Variants in TACR3 observed in about 807,000 individuals in gnomAD.
TACR3 encodes neuromedin-K receptor.
Under a neutral mutation model 35.0 loss-of-function variants are expected in TACR3, and 34 were observed. The ratio of observed to expected loss-of-function variants is 0.97; its 90% CI spans 0.74 to 1.30. TACR3 has a LOEUF of 1.30. TACR3 is among the 50% of genes most tolerant of loss of function. The probability of loss-of-function intolerance (pLI) is 0.00; values close to 1 mark genes in which losing one functional copy is unlikely to be tolerated. For missense variants in TACR3, 558 were observed against 591.7 expected, an observed-to-expected ratio of 0.94 and a Z score of 0.59; for synonymous variants, 233 against 221.1, an observed-to-expected ratio of 1.05 and a Z score of -0.48.
In TACR3 at chr4:103,598,746, C is replaced by T. The variant is rs1157217027; in HGVS notation, c.889-7063G>A. 3.3e-5 allele frequency among the ~76,000 whole-genome samples: 5 copies of T among 152,202 alleles called. No homozygotes were observed. The East Asian group carries it at 9.7e-4, about 29-fold the overall frequency. Reference sequence around the variant, plus strand: ...CATTTCTTGTTTTTGTCAGGTTTGTCAAAGATCAGATATTTGTAGATATGC... The same window carrying T: ...CATTTCTTGTTTTTGTCAGGTTTGTTAAAGATCAGATATTTGTAGATATGC... On this transcript the variant is annotated intron_variant, in intron 3 of 4. Coordinates refer to ENST00000304883, the MANE Select transcript of TACR3 (RefSeq NM_001059.3).
intron 3 of TACR3, among the ~76,000 whole-genome samples, chr4:103,609,850 T>C (rs1724474481): frequency 6.6e-6 from 1 of 152,148 alleles, no homozygotes; most frequent in African/African-American, 2.4e-5. Context: ...TAAACTTTGT[T>C]AGATTCTACA....
At chr4:103,650,195 T>A (rs1263501419) in intron 3 of TACR3, among the ~76,000 whole-genome samples, 1 of 151,802 alleles carries the variant, frequency 6.6e-6, no homozygotes, top group Non-Finnish European at 1.5e-5. Flanking sequence ...ATATAGTCCC[T>A]TTTCCTGTTC....
intron 3 of TACR3, among the ~76,000 whole-genome samples, chr4:103,594,179 AC>A (rs1490785978): frequency 3.0e-5 from 3 of 100,130 alleles, no homozygotes; most frequent in African/African-American, 9.5e-5. Context: ...TCCAAAAATA[AC>A]CTTTTTTTTT....
chr4:103,638,306 C>T (rs1268168392), intron 3 of TACR3, among the ~76,000 whole-genome samples: 2 of 151,446 alleles, frequency 1.3e-5, no homozygotes, highest in Non-Finnish European at 2.9e-5. Flanking sequence ...ACTATCTGAT[C>T]TTTGACAAAC....
At chr4:103,685,867 A>G (rs1194694827) in intron 1 of TACR3, among the ~76,000 whole-genome samples, 5 of 152,174 alleles carry the variant, frequency 3.3e-5, no homozygotes, top group Non-Finnish European at 7.4e-5. Flanking sequence ...CCAGGTCCAC[A>G]GTGTGAAAGT....
intron 1 of TACR3, among the ~76,000 whole-genome samples, chr4:103,675,091 A>G (rs970292041): frequency 2.0e-5 from 3 of 152,170 alleles, no homozygotes; most frequent in African/African-American, 7.2e-5. Context: ...TGGACATAAG[A>G]GTTATTCTAA....
At chr4:103,658,553 C>A in intron 1 of TACR3, 150 bp from the exon 2 acceptor site, 1 of 688,656 alleles carries the variant, frequency 1.5e-6, no homozygotes, top group Non-Finnish European at 2.5e-6. Context: ...GTAGAGGCAG[C>A]GTAGAATGGT....
At chr4:103,626,718 T>C (rs1003395965) in intron 3 of TACR3, among the ~76,000 whole-genome samples, 1 of 152,174 alleles carries the variant, frequency 6.6e-6, no homozygotes, top group Non-Finnish European at 1.5e-5. Flanking sequence ...TTGTGTTTGT[T>C]GTTGTTTTCA....
At chr4:103,642,609 T>C (rs1012779178) in intron 3 of TACR3, among the ~76,000 whole-genome samples, 1 of 151,538 alleles carries the variant, frequency 6.6e-6, no homozygotes, top group Non-Finnish European at 1.5e-5. Context: ...TATATGAAAA[T>C]TGATCTCACG....
At chr4:103,603,214 C>A (rs1016355774) in intron 3 of TACR3, among the ~76,000 whole-genome samples, 1 of 152,228 alleles carries the variant, frequency 6.6e-6, no homozygotes, top group East Asian at 1.9e-4. Flanking sequence ...GATATAATCT[C>A]CTGGTGTGCC....
At chr4:103,698,172 G>C (rs1263168112) in intron 1 of TACR3, among the ~76,000 whole-genome samples, 1 of 151,770 alleles carries the variant, frequency 6.6e-6, no homozygotes. Context: ...AAAGAAATTT[G>C]AATGTATTTT....
chr4:103,655,740 A>T (rs1725719705), intron 3 of TACR3, among the ~76,000 whole-genome samples: 1 of 152,068 alleles, frequency 6.6e-6, no homozygotes. Flanking sequence ...AAAAGAGACG[A>T]GGGGATACAG....
chr4:103,711,992 A>C (rs1560541964), intron 1 of TACR3, among the ~76,000 whole-genome samples: 2 of 152,222 alleles, frequency 1.3e-5, no homozygotes, highest in Non-Finnish European at 2.9e-5. Context: ...ATGACATAAA[A>C]GAGGACACAA....
intron 1 of TACR3, among the ~76,000 whole-genome samples, chr4:103,666,737 T>C (rs1296409203): frequency 6.6e-6 from 1 of 152,182 alleles, no homozygotes; most frequent in Non-Finnish European, 1.5e-5. Context: ...AATATAAAAC[T>C]TGCTAAATTT....
At chr4:103,688,822 A>G (rs138040112) in intron 1 of TACR3, among the ~76,000 whole-genome samples, 4,118 of 152,264 alleles carry the variant, frequency 0.027, 203 homozygotes, top group African/African-American at 0.095. Flanking sequence ...TATTTCAATC[A>G]TTGTGGAAGG....
chr4:103,612,418 C>T (rs1724532744), intron 3 of TACR3, among the ~76,000 whole-genome samples: 1 of 152,154 alleles, frequency 6.6e-6, no homozygotes, highest in Admixed American at 6.5e-5. Context: ...TGGCTTATTT[C>T]CTTCAGCTTT....
At chr4:103,604,494 A>G (rs1393864092) in intron 3 of TACR3, among the ~76,000 whole-genome samples, 1 of 152,164 alleles carries the variant, frequency 6.6e-6, no homozygotes, top group Non-Finnish European at 1.5e-5. Flanking sequence ...AGACTTCATG[A>G]TTAAAACACC....
chr4:103,705,291 A>G (rs1722760893), intron 1 of TACR3, among the ~76,000 whole-genome samples: 1 of 152,128 alleles, frequency 6.6e-6, no homozygotes, highest in Non-Finnish European at 1.5e-5. Context: ...ATGTGTAAAA[A>G]TGCCTGTTTC....
intron 1 of TACR3, among the ~76,000 whole-genome samples, chr4:103,689,500 A>G (rs567153224): frequency 2.6e-5 from 4 of 152,242 alleles, no homozygotes; most frequent in Admixed American, 2.6e-4. Flanking sequence ...TACAAAAAGA[A>G]TTACTTGGAA....
Sources: allele counts gnomAD v4.1 joint callset (sites outside exome capture counted in the v4.1 genomes callset), GRCh38; gene constraint gnomAD v4.1.1; transcripts MANE v1.5; gene names NCBI Gene and HGNC (gene_info 2026-07-23, HGNC 2026-07-21).